SLC8A1: variants seen among roughly 807,000 people sequenced by gnomAD.
SLC8A1 encodes the protein sodium/calcium exchanger 1.
SLC8A1 carries 18 observed loss-of-function variants against 68.3 expected under a neutral mutation model. The observed-to-expected ratio is 0.26, with a 90% CI of 0.18 to 0.39. The LOEUF is 0.39. SLC8A1 is among the 10% of genes least tolerant of loss of function. The probability of loss-of-function intolerance (pLI) is 1.00; values close to 1 mark genes in which losing one functional copy is unlikely to be tolerated. For missense variants in SLC8A1, 985 were observed against 1,156.7 expected, an observed-to-expected ratio of 0.85 and a Z score of 2.15; for synonymous variants, 475 against 415.5, an observed-to-expected ratio of 1.14 and a Z score of -1.74.
At chr2:40,250,222 C>G (rs1037524604) in intron 2 of SLC8A1, 4 of 152,108 alleles carry the variant, frequency 2.6e-5, no homozygotes, top group African/African-American at 9.7e-5. Context: ...GTAAAGAGAA[C>G]AGGATTTTGG....
chr2:40,238,338 G>C (rs540502626), intron 2 of SLC8A1, among the ~76,000 whole-genome samples: 1 of 152,220 alleles, frequency 6.6e-6, no homozygotes, highest in Non-Finnish European at 1.5e-5. Context: ...TTGGAAAAGC[G>C]CAGTATTCGG....
rs148165679 is a variant in SLC8A1 at position 40,451,033 on chromosome 2, C to T, written c.-25+871G>A. Reference sequence around the variant, plus strand: ...GGATTTAAAGAATCAAGGATGCACACGTACTGTATTTTCAAGAGCATCGCC... The same window carrying T: ...GGATTTAAAGAATCAAGGATGCACATGTACTGTATTTTCAAGAGCATCGCC... On this transcript the variant is annotated intron_variant, in intron 1 of 7. Coordinates refer to ENST00000406785, the Ensembl canonical transcript of SLC8A1. Among the ~76,000 whole-genome samples the T allele has an allele frequency of 2.1e-3, 325 of 152,282 alleles. 2 individuals carry two copies. Among genetic ancestry groups the T allele is most frequent in the African/African-American group, 7.4e-3 (307 of 41,554 alleles).
intron 2 of SLC8A1, among the ~76,000 whole-genome samples, chr2:40,233,580 T>C: frequency 7.2e-6 from 1 of 139,690 alleles, no homozygotes; most frequent in Non-Finnish European, 1.6e-5. Flanking sequence ...TCTTTTCCTG[T>C]GCAGAAGCTC....
intron 2 of SLC8A1, among the ~76,000 whole-genome samples, chr2:40,354,718 TAAGAA>T (rs1036979657): frequency 3.6e-4 from 55 of 152,158 alleles, no homozygotes; most frequent in African/African-American, 1.3e-3. Flanking sequence ...GTATAAATCT[TAAGAA>T]AAGAAAAAGG....
At chr2:40,113,720 C>T (rs2034865721) in exon 8 of SLC8A1, 1 of 152,720 alleles carries the variant, frequency 6.5e-6, no homozygotes, top group Admixed American at 6.5e-5. Context: ...GAAATAAATA[C>T]TTTGCAGGGA....
intron 1 of SLC8A1, among the ~76,000 whole-genome samples, chr2:40,480,490 G>A (rs751121339): frequency 2.0e-5 from 3 of 152,148 alleles, no homozygotes; most frequent in African/African-American, 4.8e-5. Flanking sequence ...GAGTTTGCTG[G>A]CATTTTGATA....
At chr2:40,169,718 A>G (rs2047128279) in intron 4 of SLC8A1, among the ~76,000 whole-genome samples, 1 of 152,118 alleles carries the variant, frequency 6.6e-6, no homozygotes, top group Non-Finnish European at 1.5e-5. Flanking sequence ...AGGCGGGTGG[A>G]CTGCTTGAGC....
rs1040659844 is a variant in SLC8A1 at position 40,141,929 on chromosome 2, AAGGAGATTGGCCTC to A, written c.2162-2267_2162-2254del. Among the ~76,000 whole-genome samples, 65 of 152,300 alleles carry A rather than the reference AAGGAGATTGGCCTC, an allele frequency of 4.3e-4. 1 individual carries two copies. The highest frequency in any genetic ancestry group is 4.1e-3 in the Admixed American group (62 of 15,304). ...GTGAGAAGACAGACATTTACAAGCCAAGGAGATTGGCCTCAGGAGAAATCGAACCTGCCAACACC... is the reference window on the plus strand; with the variant it reads ...GTGAGAAGACAGACATTTACAAGCCAAGGAGAAATCGAACCTGCCAACACC... On this transcript the variant is annotated intron_variant, in intron 6 of 7. Transcript: ENST00000406785.
chr2:40,227,867 T>C (rs2059176022), intron 2 of SLC8A1, among the ~76,000 whole-genome samples: 1 of 152,062 alleles, frequency 6.6e-6, no homozygotes, highest in Admixed American at 6.6e-5. Context: ...TTCAGTTTGT[T>C]CCTGTATCTT....
chr2:40,174,758 A>C lies in SLC8A1; in HGVS notation c.1930+67T>G, dbSNP rs766384023. The C allele has an allele frequency of 2.5e-6, 4 of 1,575,132 alleles. No homozygotes were observed. In the South Asian group the frequency reaches 4.6e-5, roughly 18 times the overall value. The stretch of plus-strand genomic sequence containing the variant: ...CAAATAAAAATGAGAAATTTTTTTT[A>C]ATGTAATAACATCTGGTGAGAACAG... On this transcript the variant is annotated intron_variant, in intron 4 of 7. Coordinates refer to ENST00000406785, the Ensembl canonical transcript of SLC8A1.
At chr2:40,429,465 C>A in exon 2 of SLC8A1, 1 of 1,613,886 alleles carries the variant, frequency 6.2e-7, no homozygotes, top group Non-Finnish European at 8.5e-7. Context: ...TAATCATCCC[C>A]CTCTGCTTGC....
At chr2:40,224,907 GATGTGCT>G (rs1226268408) in intron 2 of SLC8A1, among the ~76,000 whole-genome samples, 2 of 152,130 alleles carry the variant, frequency 1.3e-5, no homozygotes. Context: ...CCAGGCTTGA[GATGTGCT>G]TAATTTTTAC....
At chr2:40,383,344 C>T (rs1170652228) in intron 2 of SLC8A1, among the ~76,000 whole-genome samples, 2 of 152,042 alleles carry the variant, frequency 1.3e-5, no homozygotes, top group East Asian at 3.9e-4. Flanking sequence ...AAATAACAAA[C>T]ATTATATTTT....
chr2:40,333,586 T>C (rs1304641095), intron 2 of SLC8A1, among the ~76,000 whole-genome samples: 1 of 152,178 alleles, frequency 6.6e-6, no homozygotes, highest in Non-Finnish European at 1.5e-5. Flanking sequence ...CCATTGAGCT[T>C]ATTCTACTTT....
intron 2 of SLC8A1, among the ~76,000 whole-genome samples, chr2:40,407,272 GC>G (rs1194499784): frequency 6.6e-6 from 1 of 152,088 alleles, no homozygotes; most frequent in Non-Finnish European, 1.5e-5. Context: ...CACCATGTTG[GC>G]CAGGCTGGTC....
intron 2 of SLC8A1, among the ~76,000 whole-genome samples, chr2:40,277,823 T>C (rs1210431672): frequency 1.4e-5 from 2 of 139,726 alleles, no homozygotes; most frequent in African/African-American, 5.2e-5. Context: ...TATATATATA[T>C]ATATATATTT....
chr2:40,312,332 C>T (rs764570657), intron 2 of SLC8A1, among the ~76,000 whole-genome samples: 1 of 152,044 alleles, frequency 6.6e-6, no homozygotes, highest in South Asian at 2.1e-4. Flanking sequence ...CCAGGGTCAT[C>T]GTGATGCGCA....
chr2:40,392,106 T>A, intron 2 of SLC8A1, among the ~76,000 whole-genome samples: 1 of 113,284 alleles, frequency 8.8e-6, no homozygotes, highest in African/African-American at 3.4e-5. Flanking sequence ...AAAGCGAGAA[T>A]GAACAAAGAG....
At chr2:40,118,680 G>C (rs1415512373) in intron 7 of SLC8A1, among the ~76,000 whole-genome samples, 1 of 137,984 alleles carries the variant, frequency 7.2e-6, no homozygotes, top group Non-Finnish European at 1.5e-5. Flanking sequence ...ACAAAAGTCT[G>C]AGGCAGGAGA....
Sources: gnomAD v4.1 joint callset for allele counts (sites outside exome capture counted in the v4.1 genomes callset) on GRCh38, gnomAD v4.1.1 for gene constraint, MANE v1.5 for transcripts, NCBI Gene and HGNC (gene_info 2026-07-23, HGNC 2026-07-21) for gene names.